Variants in PPP1CC observed in about 807,000 individuals in gnomAD.
PPP1CC encodes protein phosphatase 1 catalytic subunit gamma.
PPP1CC carries 16 observed loss-of-function variants against 38.4 expected under a neutral mutation model. The ratio of observed to expected loss-of-function variants is 0.42; its 90% CI spans 0.28 to 0.63. The LOEUF is 0.63. PPP1CC is among the 30% of genes least tolerant of loss of function. The pLI is 0.25. For missense variants in PPP1CC, 170 were observed against 391.3 expected (o/e 0.43, Z 4.77); for synonymous variants, 158 against 136.0 (o/e 1.16, Z -1.13).
intron 1 of PPP1CC, among the ~76,000 whole-genome samples, chr12:110,742,005 T>A (rs2070022157): frequency 1.3e-5 from 2 of 152,114 alleles, no homozygotes; most frequent in African/African-American, 4.8e-5. Context: ...CCTCTTCAGA[T>A]GCACGCTCAG....
At chr12:110,723,502 A>G (rs534386917) in intron 4 of PPP1CC, among the ~76,000 whole-genome samples, 6 of 152,340 alleles carry the variant, frequency 3.9e-5, no homozygotes, top group Admixed American at 6.5e-5. Flanking sequence ...AAAACAGCTT[A>G]TAACATATAT....
the PPP1CC span, among the ~76,000 whole-genome samples, chr12:110,708,836 G>C: frequency 6.9e-6 from 1 of 145,614 alleles, no homozygotes; most frequent in Non-Finnish European, 1.5e-5. Flanking sequence ...GGGTGACAGA[G>C]CGAGAGTCCA....
At chr12:110,742,504 A>G in intron 1 of PPP1CC, 149 bp downstream of exon 1, 2 of 589,984 alleles carry the variant, frequency 3.4e-6, no homozygotes, top group Middle Eastern at 5.1e-4. Flanking sequence ...CTCCGGCTGC[A>G]GTCCCCGGCC....
At position 110,719,975 on chromosome 12, in the gene PPP1CC, G is replaced by C; in HGVS notation, c.*1101C>G. 3.2e-6 allele frequency: 2 copies of C among 621,742 alleles called. No homozygotes were observed. Among genetic ancestry groups the C allele is most frequent in the Middle Eastern group, 6.8e-4 (2 of 2,936 alleles). The allele number at this position is 621,742 out of a possible 1,614,324, so 38.5% of individuals were successfully genotyped here. ...ACGGTATTGTACACGGTCATCTGTT[G>C]AAACAGATTTCTTTTTTAACAGATC... On this transcript the variant is annotated 3_prime_UTR_variant, in exon 7 of 7. Transcript: ENST00000335007.
rs1593588573 is a variant in PPP1CC at position 110,741,534 on chromosome 12, G to A, written c.55+1119C>T. Among the ~76,000 whole-genome samples the A allele has an allele frequency of 3.3e-5, 5 of 152,114 alleles. No individual in the cohort carries two copies. In the South Asian group the frequency reaches 1.0e-3, roughly 32 times the overall value. On this transcript the variant is annotated intron_variant, in intron 1 of 6. Coordinates refer to ENST00000335007, the MANE Select transcript of PPP1CC (RefSeq NM_002710.4). ...CTGAAAGCAGCTCATTTCAGCTTCC[G>A]TCTTTAAAAGCTGAACCTCGCCCCT...
intron 1 of PPP1CC, chr12:110,732,660 G>A (rs2069889013): frequency 6.6e-6 from 1 of 152,196 alleles, no homozygotes; most frequent in Non-Finnish European, 1.5e-5. Flanking sequence ...TGTCAGTCAT[G>A]TGCTATACTG....
intron 1 of PPP1CC, among the ~76,000 whole-genome samples, chr12:110,741,230 GCA>G (rs1314787175): frequency 6.6e-6 from 1 of 151,554 alleles, no homozygotes; most frequent in East Asian, 1.9e-4. Flanking sequence ...AGGAAAGAAT[GCA>G]CAGATTAAGA....
At chr12:110,727,557 A>G (rs943625152) in intron 3 of PPP1CC, among the ~76,000 whole-genome samples, 5 of 151,102 alleles carry the variant, frequency 3.3e-5, no homozygotes, top group African/African-American at 7.3e-5. Context: ...ATCAACAAAC[A>G]CTCATGTTTT....
chr12:110,722,128 G>A lies in PPP1CC; in HGVS notation c.882+7C>T, dbSNP rs1265556635. On this transcript the variant is annotated splice_region_variant and intron_variant, in intron 6 of 6. Transcript: ENST00000335007. This position sits in a 1 kb window ranked among gnomAD's most constrained non-coding sequence, Gnocchi z 5.4. ...TAAAAGGAAATCATGTTGAAAGCATGCTCTACCTGAAAAGAACACATTAGT... is the reference window on the plus strand; with the variant it reads ...TAAAAGGAAATCATGTTGAAAGCATACTCTACCTGAAAAGAACACATTAGT... 1 of 1,611,994 alleles carries A rather than the reference G, an allele frequency of 6.2e-7. No individual in the cohort carries two copies. The highest frequency in any genetic ancestry group is 8.5e-7 in the Non-Finnish European group (1 of 1,178,436).
At chr12:110,739,632 C>CG (rs1216550898) in intron 1 of PPP1CC, among the ~76,000 whole-genome samples, 2 of 152,182 alleles carry the variant, frequency 1.3e-5, no homozygotes, top group African/African-American at 4.8e-5. Context: ...ATTTAAATCA[C>CG]TAAAACAAGT....
chr12:110,730,458 G>A (rs1470593718), intron 3 of PPP1CC, 71 bp downstream of exon 3: 2 of 1,153,714 alleles, frequency 1.7e-6, no homozygotes, highest in East Asian at 2.4e-5. Flanking sequence ...CCTAACAGAA[G>A]TATGTGATAA....
rs183379287 is a variant in PPP1CC at position 110,722,105 on chromosome 12, A to T, written c.882+30T>A. On this transcript the variant is annotated intron_variant, in intron 6 of 6. Coordinates refer to ENST00000335007, the MANE Select transcript of PPP1CC (RefSeq NM_002710.4). This position sits in a 1 kb window ranked among gnomAD's most constrained non-coding sequence, Gnocchi z 5.4. ...CAATCAGCAAAGTGTAAACATATTA[A>T]AAGGAAATCATGTTGAAAGCATGCT... The T allele has an allele frequency of 5.3e-5, 85 of 1,611,272 alleles. 1 individual carries two copies. In the East Asian group the frequency reaches 1.8e-3, roughly 34 times the overall value.
At chr12:110,737,837 A>G (rs897426994) in intron 1 of PPP1CC, among the ~76,000 whole-genome samples, 7 of 152,144 alleles carry the variant, frequency 4.6e-5, no homozygotes, top group South Asian at 4.2e-4. Flanking sequence ...AGATCCGGCT[A>G]GCCAAGAGGA....
chr12:110,724,161 CT>C (rs2069769204), intron 4 of PPP1CC, among the ~76,000 whole-genome samples: 4 of 152,118 alleles, frequency 2.6e-5, no homozygotes, highest in Admixed American at 2.0e-4. Context: ...TGGCGTGAAC[CT>C]GGGAGGCAGA....
chr12:110,708,692 T>C, the PPP1CC span, among the ~76,000 whole-genome samples: 2 of 151,594 alleles, frequency 1.3e-5, no homozygotes, highest in Non-Finnish European at 2.9e-5. Context: ...TTACTAAAAG[T>C]ACAAAAATTA....
At chr12:110,741,553 C>A (rs778268776) in intron 1 of PPP1CC, among the ~76,000 whole-genome samples, 1 of 152,176 alleles carries the variant, frequency 6.6e-6, no homozygotes, top group African/African-American at 2.4e-5. Context: ...AGCTGAACCT[C>A]GCCCCTCTCC....
rs369836468 is a variant in PPP1CC at position 110,731,957 on chromosome 12, G to A, written c.56-56C>T. On this transcript the variant is annotated intron_variant, in intron 1 of 6. Transcript: ENST00000335007. The stretch of plus-strand genomic sequence containing the variant: ...GAAGCCAAAATACAAAATACAATAC[G>A]AGATTTAGATAAAGGGGCAAAAACA... 196 of 1,578,666 alleles carry A rather than the reference G, an allele frequency of 1.2e-4. 5 individuals carry two copies. In the South Asian group the frequency reaches 2.1e-3, roughly 17 times the overall value.
At chr12:110,727,254 G>GTTATGCCAC (rs2069809963) in intron 3 of PPP1CC, among the ~76,000 whole-genome samples, 2 of 152,164 alleles carry the variant, frequency 1.3e-5, no homozygotes, top group South Asian at 4.1e-4. Flanking sequence ...CCCCGGCTTT[G>GTTATGCCAC]ATTCTTTAGT....
downstream of PPP1CC, among the ~76,000 whole-genome samples, chr12:110,719,374 G>A (rs932141535): frequency 2.0e-5 from 3 of 152,118 alleles, no homozygotes; most frequent in African/African-American, 4.8e-5. Context: ...CTCTGCCAAC[G>A]CCCTCAGGGA....
Sources: gnomAD v4.1 joint callset for allele counts (sites outside exome capture counted in the v4.1 genomes callset) on GRCh38, gnomAD v4.1.1 for gene constraint, Gnocchi (gnomAD v3.1) non-coding constraint, MANE v1.5 for transcripts, NCBI Gene and HGNC (gene_info 2026-07-23, HGNC 2026-07-21) for gene names.